The following OPCML variants were observed in gnomAD, a reference collection of about 807,000 sequenced individuals.
OPCML encodes opioid binding protein/cell adhesion molecule like, also known as opioid-binding protein/cell adhesion molecule.
Under a neutral mutation model 37.8 loss-of-function variants are expected in OPCML, and 13 were observed. That is an observed-to-expected ratio of 0.34 (90% confidence interval 0.22 to 0.55). The LOEUF (loss-of-function observed/expected upper bound fraction) is 0.55. Among genes scored for constraint, OPCML ranks in the 20% least tolerant of loss-of-function variants. OPCML has a pLI of 0.91. For missense variants in OPCML, 341 were observed against 435.6 expected (o/e 0.78, Z 1.93); for synonymous variants, 176 against 168.8 (o/e 1.04, Z -0.33).
chr11:132,479,705 G>A (rs905020722), intron 4 of OPCML, among the ~76,000 whole-genome samples: 8 of 152,156 alleles, frequency 5.3e-5, no homozygotes, highest in Non-Finnish European at 2.9e-5. Flanking sequence ...CTCCTCAAGT[G>A]GGTCCCTGAC....
chr11:133,117,438 A>G (rs1949353936), intron 1 of OPCML, among the ~76,000 whole-genome samples: 1 of 152,210 alleles, frequency 6.6e-6, no homozygotes, highest in South Asian at 2.1e-4. Flanking sequence ...GTGTTCCCAT[A>G]GACTAGCACT....
chr11:132,730,607 G>A (rs977109410), intron 2 of OPCML, among the ~76,000 whole-genome samples: 1 of 152,184 alleles, frequency 6.6e-6, no homozygotes, highest in Non-Finnish European at 1.5e-5. Context: ...CTCTGTGGAA[G>A]AGAGCAGTTC....
chr11:132,965,917 T>C (rs1488916946), intron 1 of OPCML, among the ~76,000 whole-genome samples: 2 of 152,220 alleles, frequency 1.3e-5, no homozygotes, highest in Admixed American at 6.5e-5. Context: ...CTAATTTTAG[T>C]AATTTGCATC....
intron 1 of OPCML, among the ~76,000 whole-genome samples, chr11:133,171,546 T>C (rs949019725): frequency 6.6e-6 from 1 of 152,190 alleles, no homozygotes; most frequent in Non-Finnish European, 1.5e-5. Context: ...ATGAGGAAAA[T>C]GCTGTAGCAG....
At position 132,438,715 on chromosome 11, in the gene OPCML, C is replaced by T. The variant is rs145110671; in HGVS notation, c.506-1356G>A. ...GCCAGTGTGCAGGGTGTAGGGTGTG[C>T]AGCAGGAAGGTGGAGGAGGTGGGCT... On this transcript the variant is annotated intron_variant, in intron 4 of 7. Transcript: ENST00000524381. Among the ~76,000 whole-genome samples, 163 of 150,916 alleles carry T rather than the reference C, an allele frequency of 1.1e-3. 1 individual carries two copies. The highest frequency in any genetic ancestry group is 3.7e-3 in the African/African-American group (152 of 41,054).
intron 3 of OPCML, among the ~76,000 whole-genome samples, chr11:132,542,625 C>T (rs1460364375): frequency 6.6e-6 from 1 of 152,140 alleles, no homozygotes; most frequent in Non-Finnish European, 1.5e-5. Context: ...GCACCATGAA[C>T]ATCCACCCTC....
chr11:133,205,119 G>T lies in OPCML; in HGVS notation c.62-262109C>A, dbSNP rs1939007322. Among the ~76,000 whole-genome samples, 1 of 151,760 alleles carries T rather than the reference G, an allele frequency of 6.6e-6. No homozygotes were observed. The highest frequency in any genetic ancestry group is 1.5e-5 in the Non-Finnish European group (1 of 67,960). On this transcript the variant is annotated intron_variant, in intron 1 of 7. Transcript: ENST00000524381. The surrounding 1 kb of genome is among the most constrained non-coding windows in gnomAD (Gnocchi z 4.8). The stretch of plus-strand genomic sequence containing the variant: ...CTTTCTGTCCCACCCTCTTCTTCCT[G>T]GGAGGGGAGATGAGGTGAAGGTTGA...
chr11:132,482,386 AGAATAGAC>A (rs2096183855), intron 4 of OPCML, among the ~76,000 whole-genome samples: 1 of 150,556 alleles, frequency 6.6e-6, no homozygotes, highest in Non-Finnish European at 1.5e-5. Flanking sequence ...GTTGAATCTC[AGAATAGAC>A]CAATAACAGG....
At chr11:132,724,250 A>AATG (rs775793020) in intron 2 of OPCML, among the ~76,000 whole-genome samples, 10 of 152,162 alleles carry the variant, frequency 6.6e-5, no homozygotes, top group Non-Finnish European at 1.0e-4. Context: ...AGAGAGAGAA[A>AATG]ATGCTGACCT....
chr11:133,484,077 G>T (rs376015182), intron 1 of OPCML, among the ~76,000 whole-genome samples: 1 of 122,062 alleles, frequency 8.2e-6, no homozygotes, highest in African/African-American at 4.0e-5. Flanking sequence ...TAGATAGATA[G>T]ATAGATTCAT....
chr11:132,894,449 C>T (rs967450011), intron 2 of OPCML, among the ~76,000 whole-genome samples: 3 of 152,200 alleles, frequency 2.0e-5, no homozygotes, highest in Admixed American at 1.3e-4. Flanking sequence ...TAATCCACAC[C>T]CATGACTTCA....
chr11:133,087,126 T>C (rs1469589746), intron 1 of OPCML, among the ~76,000 whole-genome samples: 1 of 152,228 alleles, frequency 6.6e-6, no homozygotes. Context: ...GTTAAGTGAC[T>C]GAATGAAGGT....
At chr11:133,180,672 G>A (rs946774393) in intron 1 of OPCML, among the ~76,000 whole-genome samples, 1 of 152,066 alleles carries the variant, frequency 6.6e-6, no homozygotes, top group African/African-American at 2.4e-5. Flanking sequence ...TGAGTAGGAT[G>A]AGCGTCCTAC....
chr11:133,391,132 C>T (rs912790186), intron 1 of OPCML, among the ~76,000 whole-genome samples: 1 of 152,192 alleles, frequency 6.6e-6, no homozygotes, highest in Non-Finnish European at 1.5e-5. Flanking sequence ...GAATGAATGT[C>T]GACGATGTTG....
At chr11:133,183,252 C>T (rs1366036731) in intron 1 of OPCML, among the ~76,000 whole-genome samples, 1 of 152,164 alleles carries the variant, frequency 6.6e-6, no homozygotes, top group East Asian at 1.9e-4. Flanking sequence ...AAGAAACGCA[C>T]ACTGACTGCA....
intron 1 of OPCML, among the ~76,000 whole-genome samples, chr11:133,380,859 C>T (rs1476069508): frequency 2.6e-5 from 4 of 152,012 alleles, no homozygotes; most frequent in Non-Finnish European, 5.9e-5. Flanking sequence ...AAATCATTTC[C>T]AGGACAGGAG....
intron 2 of OPCML, among the ~76,000 whole-genome samples, chr11:132,788,112 C>T (rs968081891): frequency 7.9e-5 from 12 of 152,136 alleles, no homozygotes; most frequent in African/African-American, 2.9e-4. Flanking sequence ...ATCTCTTGAC[C>T]TCGTGAGTCA....
chr11:133,016,265 C>G (rs986266293), intron 1 of OPCML, among the ~76,000 whole-genome samples: 1 of 152,102 alleles, frequency 6.6e-6, no homozygotes, highest in South Asian at 2.1e-4. Context: ...AGCCTGGATT[C>G]CTATTTGGGG....
At chr11:133,073,361 G>T (rs995971344) in intron 1 of OPCML, among the ~76,000 whole-genome samples, 1 of 152,232 alleles carries the variant, frequency 6.6e-6, no homozygotes. Context: ...GTGAGTAAGG[G>T]CACAGCAGGT....
Sources: gnomAD v4.1 joint callset for allele counts (sites outside exome capture counted in the v4.1 genomes callset) on GRCh38, gnomAD v4.1.1 for gene constraint, Gnocchi (gnomAD v3.1) non-coding constraint, MANE v1.5 for transcripts, NCBI Gene and HGNC (gene_info 2026-07-23, HGNC 2026-07-21) for gene names.